The following CEP128 variants were observed in gnomAD, a reference collection of about 807,000 sequenced individuals.
CEP128 encodes centrosomal protein 128.
Under a neutral mutation model 156.7 loss-of-function variants are expected in CEP128, and 132 were observed. That is an observed-to-expected ratio of 0.84 (90% CI 0.73 to 0.97). The LOEUF is 0.97. Among genes scored for constraint, CEP128 ranks in the 50% least tolerant of loss-of-function variants. CEP128 has a pLI of 0.00. For synonymous variants in CEP128, 469 were observed against 448.9 expected (o/e 1.04, Z -0.57); for missense variants, 1,252 against 1,281.9 (o/e 0.98, Z 0.36).
chr14:80,667,007 C>T (rs183452580), intron 19 of CEP128, among the ~76,000 whole-genome samples: 73 of 152,196 alleles, frequency 4.8e-4, no homozygotes, highest in African/African-American at 1.6e-3. Context: ...CTTCCAGGAC[C>T]CCAAACAAAG....
intron 8 of CEP128, among the ~76,000 whole-genome samples, chr14:80,891,543 A>G (rs1889098792): frequency 6.6e-6 from 1 of 150,566 alleles, no homozygotes; most frequent in South Asian, 2.1e-4. Context: ...GCTGAGAAGG[A>G]TAGTTGGAAG....
intron 24 of CEP128, among the ~76,000 whole-genome samples, chr14:80,502,302 T>C (rs762405027): frequency 6.6e-6 from 1 of 152,078 alleles, no homozygotes; most frequent in Non-Finnish European, 1.5e-5. Flanking sequence ...AAGAGGAAGG[T>C]ATAGGATCTG....
chr14:80,507,394 C>G (rs4903921), intron 23 of CEP128, among the ~76,000 whole-genome samples: 107,651 of 152,048 alleles, frequency 0.71, 42,040 homozygotes, highest in East Asian at 0.86. Flanking sequence ...ATTCCAACAA[C>G]TACTTTAGAA....
intron 15 of CEP128, among the ~76,000 whole-genome samples, chr14:80,781,032 T>C (rs2139786158): frequency 6.6e-6 from 1 of 152,296 alleles, no homozygotes; most frequent in African/African-American, 2.4e-5. Flanking sequence ...ATAAAAGAAG[T>C]ACAAAATTGG....
intron 19 of CEP128, among the ~76,000 whole-genome samples, chr14:80,583,640 C>T (rs1175685966): frequency 6.6e-6 from 1 of 152,170 alleles, no homozygotes; most frequent in Non-Finnish European, 1.5e-5. Context: ...ACTTATTAAG[C>T]AATGAGGCTG....
At chr14:80,905,810 T>A (rs1883855040) in intron 5 of CEP128, 145 bp downstream of exon 5, 1 of 702,968 alleles carries the variant, frequency 1.4e-6, no homozygotes, top group Non-Finnish European at 2.3e-6. Context: ...TCAAAGCATG[T>A]ACTATAAAAT....
At chr14:80,886,120 T>C (rs954852279) in intron 8 of CEP128, among the ~76,000 whole-genome samples, 2 of 152,114 alleles carry the variant, frequency 1.3e-5, no homozygotes, top group Non-Finnish European at 2.9e-5. Flanking sequence ...CCAAGGAATA[T>C]GGGACTATGT....
In CEP128 at chr14:80,679,932, G is replaced by A. The variant is rs538001360; in HGVS notation, c.2806+63143C>T. On this transcript the variant is annotated intron_variant, in intron 19 of 24. Transcript: ENST00000555265. ...CTTTCTCTTTATTTCTCAGCTAGCC[G>A]ACACTTAGGGAAAATAGAAAGAACC... 1.5e-4 allele frequency among the ~76,000 whole-genome samples: 23 copies of A among 152,208 alleles called. 1 individual carries two copies. Among genetic ancestry groups the A allele is most frequent in the South Asian group, 2.1e-4 (1 of 4,818 alleles).
At chr14:80,542,773 A>G (rs1376665464) in intron 21 of CEP128, among the ~76,000 whole-genome samples, 1 of 152,128 alleles carries the variant, frequency 6.6e-6, no homozygotes, top group Non-Finnish European at 1.5e-5. Context: ...GTAGGTAATC[A>G]CATTTGTCTC....
chr14:80,920,795 G>A (rs1884816174), intron 2 of CEP128, among the ~76,000 whole-genome samples: 1 of 152,222 alleles, frequency 6.6e-6, no homozygotes, highest in African/African-American at 2.4e-5. Flanking sequence ...TAGCGAGGTT[G>A]TAGGGGAAGG....
At chr14:80,886,340 AGGTT>A (rs1297548237) in intron 8 of CEP128, among the ~76,000 whole-genome samples, 1 of 152,194 alleles carries the variant, frequency 6.6e-6, no homozygotes, top group Non-Finnish European at 1.5e-5. Flanking sequence ...AGATTCTCCA[AGGTT>A]GAAATGAAGG....
intron 19 of CEP128, among the ~76,000 whole-genome samples, chr14:80,676,008 A>T (rs1267827982): frequency 6.6e-6 from 1 of 152,146 alleles, no homozygotes; most frequent in Non-Finnish European, 1.5e-5. Context: ...ATCTTTGTTC[A>T]CTTCAGAATT....
chr14:80,925,597 GT>G (rs998734010), intron 2 of CEP128, among the ~76,000 whole-genome samples: 66 of 148,438 alleles, frequency 4.4e-4, no homozygotes, highest in East Asian at 2.6e-3. Context: ...TGTTTTTTTG[GT>G]TTTTTTTTTC....
intron 19 of CEP128, among the ~76,000 whole-genome samples, chr14:80,660,629 T>C (rs1218314177): frequency 6.6e-6 from 1 of 152,150 alleles, no homozygotes; most frequent in Non-Finnish European, 1.5e-5. Flanking sequence ...ACAACATTGA[T>C]TACATATGAT....
At chr14:80,861,892 A>G (rs574800946) in intron 9 of CEP128, among the ~76,000 whole-genome samples, 1 of 152,314 alleles carries the variant, frequency 6.6e-6, no homozygotes, top group South Asian at 2.1e-4. Flanking sequence ...AGATTCACAG[A>G]TAAGTATGTA....
rs543007038 is a variant in CEP128, at chr14:80,885,380, C to T, written c.645+10338G>A. 3.7e-4 allele frequency among the ~76,000 whole-genome samples: 56 copies of T among 152,236 alleles called. 1 individual carries two copies. In the South Asian group the frequency reaches 8.5e-3, roughly 23 times the overall value. ...ACAGACACCTCATACAGGAGAGCTC[C>T]GGCTGGCATCAGGTGGGTATCCCTC... On this transcript the variant is annotated intron_variant, in intron 8 of 24. Transcript: ENST00000555265.
intron 16 of CEP128, among the ~76,000 whole-genome samples, chr14:80,776,000 A>G (rs1484608013): frequency 6.6e-6 from 1 of 151,960 alleles, no homozygotes; most frequent in Non-Finnish European, 1.5e-5. Context: ...CACCCGGCTA[A>G]TTTTTGTATT....
chr14:80,726,189 G>A (rs1898015373), intron 19 of CEP128, among the ~76,000 whole-genome samples: 1 of 152,182 alleles, frequency 6.6e-6, no homozygotes, highest in South Asian at 2.1e-4. Context: ...GGCTTCAGGA[G>A]CTTATAACCT....
intron 9 of CEP128, among the ~76,000 whole-genome samples, chr14:80,852,988 C>T (rs535265165): frequency 6.6e-6 from 1 of 151,952 alleles, no homozygotes; most frequent in East Asian, 1.9e-4. Context: ...GGCTCAACAT[C>T]TATTGATGGA....
Sources: gnomAD v4.1 joint callset for allele counts (sites outside exome capture counted in the v4.1 genomes callset) on GRCh38, gnomAD v4.1.1 for gene constraint, MANE v1.5 for transcripts, NCBI Gene and HGNC (gene_info 2026-07-23, HGNC 2026-07-21) for gene names.